The following AFF1 variants were observed in gnomAD, a reference collection of about 807,000 sequenced individuals.
The protein encoded by AFF1 is ALF transcription elongation factor 1.
AFF1 carries 48 observed loss-of-function variants against 121.7 expected under a neutral mutation model. The ratio of observed to expected loss-of-function variants is 0.39; its 90% CI spans 0.31 to 0.50. The LOEUF is 0.50. Among genes scored for constraint, AFF1 ranks in the 20% least tolerant of loss-of-function variants. The pLI, the probability that AFF1 is intolerant of heterozygous loss-of-function variation, is 0.76. For missense variants in AFF1, 1,523 were observed against 1,511.7 expected, an observed-to-expected ratio of 1.01 and a Z score of -0.12; for synonymous variants, 613 against 563.0, an observed-to-expected ratio of 1.09 and a Z score of -1.26.
At chr4:87,071,192 A>G (rs1009905184) in intron 4 of AFF1, among the ~76,000 whole-genome samples, 2 of 148,314 alleles carry the variant, frequency 1.3e-5, no homozygotes, top group Non-Finnish European at 3.0e-5. Context: ...TTTTTTTTTA[A>G]ATACAGGGTT....
intron 8 of AFF1, among the ~76,000 whole-genome samples, chr4:87,103,219 T>C (rs1039040551): frequency 6.6e-6 from 1 of 152,252 alleles, no homozygotes; most frequent in Admixed American, 6.5e-5. Flanking sequence ...AATAATAGCA[T>C]GCTAGTTTAC....
At chr4:87,127,406 G>A (rs555458329) in intron 15 of AFF1, among the ~76,000 whole-genome samples, 5 of 152,030 alleles carry the variant, frequency 3.3e-5, no homozygotes, top group East Asian at 3.9e-4. Flanking sequence ...CAAATGATCC[G>A]CCTGCCTCGG....
At chr4:87,069,416 C>T (rs1721743664) in intron 4 of AFF1, among the ~76,000 whole-genome samples, 2 of 149,552 alleles carry the variant, frequency 1.3e-5, no homozygotes, top group African/African-American at 5.0e-5. Context: ...TCTCTCCCTC[C>T]CTCCCTCTCC....
chr4:87,029,082 C>T (rs533563668), intron 2 of AFF1, among the ~76,000 whole-genome samples: 25 of 152,248 alleles, frequency 1.6e-4, no homozygotes, highest in Non-Finnish European at 3.1e-4. Flanking sequence ...AGACTGAAAT[C>T]GGGCAGGTTG....
Position 87,127,710 on chromosome 4 carries a change from A to G in AFF1, c.2964+7A>G. 6.2e-7 allele frequency: 1 copy of G among 1,614,036 alleles called. No homozygotes were observed. The highest frequency in any genetic ancestry group is 8.5e-7 in the Non-Finnish European group (1 of 1,179,940). ...GCAGAAAGCAGAGTTAATGGTTAGT[A>G]TTGGCCCTTTATCTCTTTGGTAGAA... On this transcript the variant is annotated splice_region_variant and intron_variant, in intron 16 of 20. Coordinates refer to ENST00000395146, the MANE Select transcript of AFF1 (RefSeq NM_001166693.3).
At chr4:86,956,808 A>G (rs538974350) in intron 2 of AFF1, among the ~76,000 whole-genome samples, 2 of 152,286 alleles carry the variant, frequency 1.3e-5, no homozygotes, top group Admixed American at 1.3e-4. Context: ...ATCTTGTACT[A>G]TTCATCAGTT....
chr4:87,109,464 T>C lies in AFF1; in HGVS notation c.1533+1149T>C, dbSNP rs149338746. ...TGCACTTGAAGTGCCTTTCAGATTTTAGAAACTACACTGTGTTTCTGGGGC... is the reference window on the plus strand; with the variant it reads ...TGCACTTGAAGTGCCTTTCAGATTTCAGAAACTACACTGTGTTTCTGGGGC... On this transcript the variant is annotated intron_variant, in intron 11 of 20. Transcript: ENST00000395146. 7.9e-5 allele frequency among the ~76,000 whole-genome samples: 12 copies of C among 152,358 alleles called. No individual in the cohort carries two copies. In the East Asian group the frequency reaches 2.3e-3, roughly 29 times the overall value.
chr4:87,035,585 A>C (rs1729489846), intron 2 of AFF1, among the ~76,000 whole-genome samples: 1 of 151,104 alleles, frequency 6.6e-6, no homozygotes, highest in African/African-American at 2.4e-5. Flanking sequence ...AATACTCAGG[A>C]GCTTTAGTCC....
At chr4:87,065,287 C>G (rs990995323) in intron 4 of AFF1, among the ~76,000 whole-genome samples, 2 of 152,026 alleles carry the variant, frequency 1.3e-5, no homozygotes, top group Non-Finnish European at 2.9e-5. Flanking sequence ...TTTTTAAAAC[C>G]ATCAGATCTC....
At chr4:86,998,735 CAA>C (rs1275827890) in intron 2 of AFF1, among the ~76,000 whole-genome samples, 5 of 151,850 alleles carry the variant, frequency 3.3e-5, no homozygotes, top group Admixed American at 6.6e-5. Flanking sequence ...TTTTGTAAAA[CAA>C]GAGGGTGAAA....
Position 86,948,479 on chromosome 4 carries a change from C to T in AFF1, c.-36-19C>T, listed in dbSNP as rs897566109. 8.7e-5 allele frequency: 130 copies of T among 1,499,872 alleles called. No individual in the cohort carries two copies. The highest frequency in any genetic ancestry group is 1.1e-4 in the Non-Finnish European group (124 of 1,113,884). 92.9% of individuals were successfully genotyped at this position (1,499,872 alleles called of 1,614,324 possible). Reference sequence around the variant, plus strand: ...CTCACAGGCTAATGTTCACAGGCTACTCTTTGTTTCTCTTTCAGATGAACA... The same window carrying T: ...CTCACAGGCTAATGTTCACAGGCTATTCTTTGTTTCTCTTTCAGATGAACA... On this transcript the variant is annotated intron_variant, in intron 1 of 20. Transcript: ENST00000395146.
intron 4 of AFF1, among the ~76,000 whole-genome samples, chr4:87,053,635 A>G (rs896186707): frequency 6.6e-6 from 1 of 152,172 alleles, no homozygotes; most frequent in African/African-American, 2.4e-5. Context: ...TCACAAACAC[A>G]TCATGTATTC....
intron 2 of AFF1, among the ~76,000 whole-genome samples, chr4:87,022,584 C>CTG (rs1728073451): frequency 2.7e-5 from 3 of 112,432 alleles, no homozygotes; most frequent in Non-Finnish European, 5.4e-5. Flanking sequence ...ATATATATAT[C>CTG]TATCTATATC....
At chr4:87,055,552 C>T (rs1342208095) in intron 4 of AFF1, among the ~76,000 whole-genome samples, 1 of 152,198 alleles carries the variant, frequency 6.6e-6, no homozygotes, top group African/African-American at 2.4e-5. Flanking sequence ...AAGATATAGA[C>T]ATTCAACTCT....
chr4:87,049,947 AC>A (rs1218442790), intron 4 of AFF1, among the ~76,000 whole-genome samples: 3 of 152,316 alleles, frequency 2.0e-5, no homozygotes, highest in African/African-American at 7.2e-5. Flanking sequence ...CTCATGTTGC[AC>A]AGACTTAGCA....
chr4:87,115,703 G>T (rs1727049404), intron 12 of AFF1, among the ~76,000 whole-genome samples: 1 of 135,396 alleles, frequency 7.4e-6, no homozygotes. Context: ...CCTACCTCTG[G>T]GGTGAAACGA....
chr4:86,945,303 TCCTTATTTTC>T lies in AFF1; in HGVS notation c.-36-3194_-36-3185del, dbSNP rs1234594250. ...TTTAAATAGAGCCAAGTTAGTATCT[TCCTTATTTTC>T]TTTTCCTTTTTTTTTTTTTTTTTTT... On this transcript the variant is annotated intron_variant, in intron 1 of 20. Coordinates refer to ENST00000395146, the MANE Select transcript of AFF1 (RefSeq NM_001166693.3). 2.0e-5 allele frequency among the ~76,000 whole-genome samples: 3 copies of T among 147,350 alleles called. No homozygotes were observed. The East Asian group carries it at 6.1e-4, about 30-fold the overall frequency.
At chr4:87,036,519 A>G (rs1362627785) in intron 2 of AFF1, among the ~76,000 whole-genome samples, 1 of 152,116 alleles carries the variant, frequency 6.6e-6, no homozygotes, top group East Asian at 1.9e-4. Context: ...GGTGTGCTGC[A>G]CATGGGAATA....
intron 19 of AFF1, among the ~76,000 whole-genome samples, chr4:87,133,520 C>G (rs753285959): frequency 6.6e-6 from 1 of 152,214 alleles, no homozygotes; most frequent in Non-Finnish European, 1.5e-5. Flanking sequence ...AGATATTATT[C>G]TAAGCTAATA....
Sources: gnomAD v4.1 joint callset for allele counts (sites outside exome capture counted in the v4.1 genomes callset) on GRCh38, gnomAD v4.1.1 for gene constraint, MANE v1.5 for transcripts, NCBI Gene and HGNC (gene_info 2026-07-23, HGNC 2026-07-21) for gene names.